The following PTCD3 variants were observed in gnomAD, a reference collection of about 807,000 sequenced individuals.
The protein encoded by PTCD3 is pentatricopeptide repeat domain 3.
PTCD3 carries 89 observed loss-of-function variants against 101.9 expected under a neutral mutation model. The ratio of observed to expected loss-of-function variants is 0.87; its 90% CI spans 0.74 to 1.04. The LOEUF (loss-of-function observed/expected upper bound fraction) is 1.04, where lower values mean the gene tolerates loss of function less well. PTCD3 is among the 50% of genes least tolerant of loss of function. The pLI is 0.00. For missense variants in PTCD3, 870 were observed against 828.2 expected, an observed-to-expected ratio of 1.05 and a Z score of -0.62; for synonymous variants, 296 against 278.5, an observed-to-expected ratio of 1.06 and a Z score of -0.63.
intron 8 of PTCD3, among the ~76,000 whole-genome samples, chr2:86,123,276 AAAG>A (rs1456095024): frequency 1.3e-5 from 2 of 151,918 alleles, no homozygotes; most frequent in African/African-American, 2.4e-5. Flanking sequence ...AAAAAAAAAA[AAAG>A]AAGTCTTAGT....
At position 86,119,061 on chromosome 2, in the gene PTCD3, A is replaced by G; in HGVS notation, c.538+17A>G. 1 of 1,612,336 alleles carries G rather than the reference A, an allele frequency of 6.2e-7. No homozygotes were observed. On this transcript the variant is annotated intron_variant, in intron 7 of 23. Transcript: ENST00000254630. Reference sequence around the variant, plus strand: ...TGCAAGCAGGTGACTGAGTTCGATTAAAGCCCCTCTAATAACATGGGCTTT... The same window carrying G: ...TGCAAGCAGGTGACTGAGTTCGATTGAAGCCCCTCTAATAACATGGGCTTT...
intron 6 of PTCD3, among the ~76,000 whole-genome samples, chr2:86,117,499 G>C (rs544541185): frequency 6.6e-6 from 1 of 150,756 alleles, no homozygotes; most frequent in Non-Finnish European, 1.5e-5. Context: ...CCAGGCTGGA[G>C]TGCAATGGTA....
At chr2:86,113,681 C>T (rs1674128639) in intron 4 of PTCD3, among the ~76,000 whole-genome samples, 1 of 151,988 alleles carries the variant, frequency 6.6e-6, no homozygotes, top group African/African-American at 2.4e-5. Context: ...GTAGTATGCG[C>T]CTGTAGTCCC....
intron 16 of PTCD3, among the ~76,000 whole-genome samples, chr2:86,131,963 C>T (rs1559517): frequency 0.73 from 110,939 of 152,134 alleles, 42,632 homozygotes; most frequent in Non-Finnish European, 0.84. Flanking sequence ...TTGGCAGCAA[C>T]CAGTATTTCA....
chr2:86,129,068 C>T (rs1674448803), intron 14 of PTCD3, among the ~76,000 whole-genome samples: 1 of 152,020 alleles, frequency 6.6e-6, no homozygotes, highest in Admixed American at 6.5e-5. Context: ...ATATCCTCAC[C>T]TGTATAGGCA....
chr2:86,125,810 T>C lies in PTCD3; in HGVS notation c.881T>C (p.Phe294Ser), dbSNP rs1674372958. The C allele has an allele frequency of 6.2e-7, 1 of 1,606,684 alleles. No individual in the cohort carries two copies. The highest frequency in any genetic ancestry group is 1.7e-5 in the Admixed American group (1 of 59,838). The change falls in exon 12 of 24, where the codon TTT becomes TCT. Residue 294 changes from phenylalanine to serine, a missense_variant. Physicochemically the swap from Phe to Ser is radical, Grantham distance 155. Coordinates refer to ENST00000254630, the MANE Select transcript of PTCD3 (RefSeq NM_017952.6). ...NNRLHADVYTFNALIEATVCA... is the reference protein window; with the variant it reads ...NNRLHADVYTSNALIEATVCA... ...TATTTTACAGCTGATGTATACACATTTAATGCATTGATTGAAGCAACAGTA... is the reference window on the plus strand; with the variant it reads ...TATTTTACAGCTGATGTATACACATCTAATGCATTGATTGAAGCAACAGTA...
At chr2:86,118,055 G>A (rs900892020) in intron 6 of PTCD3, among the ~76,000 whole-genome samples, 6 of 152,362 alleles carry the variant, frequency 3.9e-5, no homozygotes, top group African/African-American at 1.4e-4. Flanking sequence ...GATTACAGGT[G>A]TGAGCCACCG....
chr2:86,115,872 C>G (rs1376385906), intron 4 of PTCD3, among the ~76,000 whole-genome samples: 5 of 152,116 alleles, frequency 3.3e-5, no homozygotes, highest in Non-Finnish European at 4.4e-5. Context: ...AGGAGGGACT[C>G]TTGGTGAAGT....
In PTCD3 at chr2:86,136,524, A is replaced by G. The variant is rs779780892; in HGVS notation, c.1782A>G (p.Lys594=). The G allele has an allele frequency of 4.3e-5, 69 of 1,611,018 alleles. No individual in the cohort carries two copies. Among genetic ancestry groups the G allele is most frequent in the Non-Finnish European group, 5.1e-5 (60 of 1,177,292 alleles). ...ATCTTTTTCCTTTCTTGAGCAGGAAAATGTTGGGGCTTTTCAGGAAGCATA... is the reference window on the plus strand; with the variant it reads ...ATCTTTTTCCTTTCTTGAGCAGGAAGATGTTGGGGCTTTTCAGGAAGCATA... The part of the protein sequence containing the change: ...LRAGRTQEAW[K]MLGLFRKHNK... The change falls in exon 22 of 24, where the codon AAA becomes AAG. Residue 594 remains lysine (K), a synonymous_variant. Coordinates refer to ENST00000254630, the MANE Select transcript of PTCD3 (RefSeq NM_017952.6).
intron 21 of PTCD3, among the ~76,000 whole-genome samples, chr2:86,136,218 T>C (rs1221216020): frequency 1.3e-5 from 2 of 152,204 alleles, no homozygotes; most frequent in Non-Finnish European, 2.9e-5. Context: ...GGTTTTAGAT[T>C]TTGGAGCATT....
Position 86,127,249 on chromosome 2 carries a change from T to G in PTCD3, c.1040T>G (p.Val347Gly). ...CTGAAATGTCTCCGAAGATTTCATG[T>G]GTTTGCAAGATCGCCAGCCTTACAG... ...TILKCLRRFH[V>G]FARSPALQVL... Residue 347 changes from valine to glycine, a missense_variant, in exon 13 of 24, where the codon GTG (valine) becomes GGG (glycine). Physicochemically the swap from Val to Gly is moderately radical, Grantham distance 109 (BLOSUM62 -3). Coordinates refer to ENST00000254630, the MANE Select transcript of PTCD3 (RefSeq NM_017952.6). 1 of 1,614,164 alleles carries G rather than the reference T, an allele frequency of 6.2e-7. No individual in the cohort carries two copies. Among genetic ancestry groups the G allele is most frequent in the Non-Finnish European group, 8.5e-7 (1 of 1,179,986 alleles).
chr2:86,132,445 T>A (rs371460430), intron 17 of PTCD3, 21 bp downstream of exon 17: 1 of 1,514,244 alleles, frequency 6.6e-7, no homozygotes, highest in Admixed American at 1.7e-5. Context: ...TGGAAACATA[T>A]CCTTTTGCAT....
intron 16 of PTCD3, among the ~76,000 whole-genome samples, chr2:86,132,021 T>C (rs1161329150): frequency 6.6e-6 from 1 of 152,222 alleles, no homozygotes; most frequent in Non-Finnish European, 1.5e-5. Context: ...TTTGGAGTTA[T>C]TTCATGGAGA....
At chr2:86,110,722 G>A (rs1674062740) in intron 3 of PTCD3, among the ~76,000 whole-genome samples, 1 of 152,152 alleles carries the variant, frequency 6.6e-6, no homozygotes, top group Non-Finnish European at 1.5e-5. Context: ...TGAAGCCTGT[G>A]GTTTATTCTC....
rs1186952612 is a variant in PTCD3, at chr2:86,139,141, C to T, written c.*1582C>T. ...AACATAGAGAAAAATTAAGGCCTCA[C>T]AGGATGAGTCTCCATTCTCTGTAAA... is the stretch of plus-strand genomic sequence containing the variant. On this transcript the variant is annotated 3_prime_UTR_variant, in exon 24 of 24. Transcript: ENST00000254630. 1 of 152,190 alleles carries T rather than the reference C, an allele frequency of 6.6e-6. No homozygotes were observed. The highest frequency in any genetic ancestry group is 1.5e-5 in the Non-Finnish European group (1 of 68,036). The allele number at this position is 152,190 out of a possible 1,614,324, so 9.4% of individuals were successfully genotyped here.
intron 1 of PTCD3, 75 bp downstream of exon 1, chr2:86,106,426 A>G: frequency 6.8e-7 from 1 of 1,463,894 alleles, no homozygotes; most frequent in Non-Finnish European, 9.4e-7. Flanking sequence ...CTGGCTGTGG[A>G]AGTAGGCACG....
Position 86,117,045 on chromosome 2 carries a change from C to T in PTCD3, c.310-10C>T, listed in dbSNP as rs1486685992. On this transcript the variant is annotated splice_polypyrimidine_tract_variant and intron_variant, in intron 5 of 23. Coordinates refer to ENST00000254630, the MANE Select transcript of PTCD3 (RefSeq NM_017952.6). ...AAATTACATGTATTTAAATCTTTTT[C>T]TTTATATAGCGTTCATTTTTACTGG... 9.4e-7 allele frequency: 1 copy of T among 1,059,766 alleles called. No homozygotes were observed. Among genetic ancestry groups the T allele is most frequent in the African/African-American group, 1.6e-5 (1 of 63,944 alleles). 65.6% of individuals were successfully genotyped at this position (1,059,766 alleles called of 1,614,324 possible). A position where few individuals can be genotyped will look rare whatever the true frequency, so the allele number is the denominator to read the frequency against.
intron 16 of PTCD3, 133 bp downstream of exon 16, chr2:86,131,239 A>C (rs559729350): frequency 4.2e-4 from 304 of 724,068 alleles, no homozygotes; most frequent in Admixed American, 1.4e-3. Context: ...TCTTTCTCTA[A>C]AATCTATAAT....
chr2:86,133,728 C>G (rs1312946353), intron 19 of PTCD3, among the ~76,000 whole-genome samples: 1 of 152,152 alleles, frequency 6.6e-6, no homozygotes, highest in African/African-American at 2.4e-5. Context: ...GCGTGGCAGA[C>G]CCTAAATCTG....
Sources: allele counts gnomAD v4.1 joint callset (sites outside exome capture counted in the v4.1 genomes callset), GRCh38; gene constraint gnomAD v4.1.1; transcripts MANE v1.5; gene names NCBI Gene and HGNC (gene_info 2026-07-23, HGNC 2026-07-21).